The following TESMIN variants were observed in gnomAD, a reference collection of about 807,000 sequenced individuals.
TESMIN encodes CXC domain containing 2.
In TESMIN, 34 loss-of-function variants were observed where a neutral mutation model predicts 47.4. The ratio of observed to expected loss-of-function variants is 0.72; its 90% CI spans 0.55 to 0.96. The LOEUF is 0.96. TESMIN is among the 40% of genes least tolerant of loss of function. TESMIN has a pLI of 0.00. For synonymous variants in TESMIN, 278 were observed against 258.9 expected (o/e 1.07, Z -0.71); for missense variants, 610 against 637.2 (o/e 0.96, Z 0.46).
intron 8 of TESMIN, 59 bp from the exon 9 acceptor site, chr11:68,711,108 C>T (rs1946060876): frequency 1.4e-6 from 2 of 1,392,544 alleles, no homozygotes; most frequent in Non-Finnish European, 1.0e-6. Context: ...CAAAAACTGA[C>T]AAATTCTATT....
intron 4 of TESMIN, among the ~76,000 whole-genome samples, chr11:68,743,233 ACT>A (rs1491213614): frequency 4.4e-4 from 58 of 132,520 alleles, no homozygotes; most frequent in Non-Finnish European, 9.7e-5. Context: ...CACAGGAACT[ACT>A]TTTTTTTTTT....
intron 3 of TESMIN, 99 bp from the exon 4 acceptor site, chr11:68,745,210 G>A: frequency 1.9e-6 from 2 of 1,074,348 alleles, no homozygotes; most frequent in Non-Finnish European, 2.6e-6. Flanking sequence ...CTTTAATCCA[G>A]AAGTTACATT....
chr11:68,743,653 T>C (rs956933590), intron 4 of TESMIN, among the ~76,000 whole-genome samples: 3 of 152,164 alleles, frequency 2.0e-5, no homozygotes, highest in Non-Finnish European at 2.9e-5. Flanking sequence ...CTGGAACTGA[T>C]AGGTACTTAT....
intron 6 of TESMIN, among the ~76,000 whole-genome samples, chr11:68,723,873 T>C (rs1383757886): frequency 1.3e-5 from 2 of 151,834 alleles, no homozygotes; most frequent in African/African-American, 4.8e-5. Context: ...AGTGAATGAG[T>C]AACCTATCAC....
At chr11:68,747,144 A>T (rs1202522999) in intron 3 of TESMIN, 64 bp downstream of exon 3, 2 of 1,508,264 alleles carry the variant, frequency 1.3e-6, no homozygotes, top group African/African-American at 2.7e-5. Flanking sequence ...CAGTCGACTT[A>T]GTAATGATGG....
At chr11:68,730,764 C>T (rs972069373) in intron 6 of TESMIN, among the ~76,000 whole-genome samples, 1 of 150,132 alleles carries the variant, frequency 6.7e-6, no homozygotes, top group African/African-American at 2.5e-5. Flanking sequence ...CATTGCACTC[C>T]AGCCTGGGCC....
At chr11:68,713,152 A>C in intron 8 of TESMIN, 118 bp downstream of exon 8, 1 of 1,072,216 alleles carries the variant, frequency 9.3e-7, no homozygotes, top group South Asian at 2.1e-5. Flanking sequence ...GAAACTCTGG[A>C]AGAAAAAAAT....
rs1339130393 is a variant in TESMIN, at chr11:68,734,733, T to C, written c.917+3967A>G. Among the ~76,000 whole-genome samples, 3 of 152,246 alleles carry C rather than the reference T, an allele frequency of 2.0e-5. No homozygotes were observed. In the East Asian group the frequency reaches 5.8e-4, roughly 29 times the overall value. On this transcript the variant is annotated intron_variant, in intron 6 of 9. Coordinates refer to ENST00000255087, the MANE Select transcript of TESMIN (RefSeq NM_004923.3). Reference sequence around the variant, plus strand: ...ACAGCACCTGGCACACAGTCCGTGCTTGCTGTCAGCCTCGCGCCATCTCAT... The same window carrying C: ...ACAGCACCTGGCACACAGTCCGTGCCTGCTGTCAGCCTCGCGCCATCTCAT...
intron 6 of TESMIN, among the ~76,000 whole-genome samples, chr11:68,717,657 C>A (rs1002089295): frequency 6.6e-6 from 1 of 152,162 alleles, no homozygotes; most frequent in Non-Finnish European, 1.5e-5. Context: ...TGGGAAGGAG[C>A]TTCGGAAGGC....
intron 3 of TESMIN, 108 bp from the exon 4 acceptor site, chr11:68,745,219 T>C (rs978313959): frequency 9.3e-7 from 1 of 1,075,020 alleles, no homozygotes; most frequent in Non-Finnish European, 1.3e-6. Context: ...AGAAGTTACA[T>C]TTTAATGGAA....
At chr11:68,715,638 C>T (rs1379368443) in intron 7 of TESMIN, among the ~76,000 whole-genome samples, 199 bp downstream of exon 7, 1 of 152,164 alleles carries the variant, frequency 6.6e-6, no homozygotes, top group Non-Finnish European at 1.5e-5. Context: ...AGGGAAAAGG[C>T]CTTTCTCTGC....
intron 2 of TESMIN, among the ~76,000 whole-genome samples, chr11:68,749,140 A>G (rs1352458137): frequency 6.6e-6 from 1 of 152,250 alleles, no homozygotes. Context: ...TTAACATTTC[A>G]AGCCCTCTGA....
chr11:68,725,739 C>G (rs1310202229), intron 6 of TESMIN, among the ~76,000 whole-genome samples: 1 of 152,168 alleles, frequency 6.6e-6, no homozygotes, highest in East Asian at 1.9e-4. Flanking sequence ...TCCCAAAGTG[C>G]TGGGACTACA....
At chr11:68,745,276 A>G (rs1594303017) in intron 3 of TESMIN, among the ~76,000 whole-genome samples, 165 bp from the exon 4 acceptor site, 1 of 149,384 alleles carries the variant, frequency 6.7e-6, no homozygotes, top group South Asian at 2.1e-4. Context: ...CTACACTAAC[A>G]TGCTCTTTGG....
intron 2 of TESMIN, among the ~76,000 whole-genome samples, 178 bp from the exon 3 acceptor site, chr11:68,747,544 A>G (rs1946537626): frequency 6.6e-6 from 1 of 152,142 alleles, no homozygotes; most frequent in Non-Finnish European, 1.5e-5. Context: ...GAACTGCTTG[A>G]ACCTGGGAGG....
At chr11:68,713,136 C>T in intron 8 of TESMIN, 134 bp downstream of exon 8, 1 of 902,850 alleles carries the variant, frequency 1.1e-6, no homozygotes, top group East Asian at 2.9e-5. Context: ...TGTAAGTGTC[C>T]TTCTAGAAAC....
chr11:68,748,076 T>A (rs1259500703), intron 2 of TESMIN, among the ~76,000 whole-genome samples: 3 of 152,204 alleles, frequency 2.0e-5, no homozygotes, highest in Non-Finnish European at 4.4e-5. Context: ...CCGAGCTGCC[T>A]GGACCAGAGG....
Position 68,710,990 on chromosome 11 carries a change from G to C in TESMIN, c.1218C>G (p.Ser406Arg). 2.5e-6 allele frequency: 4 copies of C among 1,613,722 alleles called. No individual in the cohort carries two copies. Among genetic ancestry groups the C allele is most frequent in the Non-Finnish European group, 3.4e-6 (4 of 1,179,796 alleles). Residue 406 changes from serine (S) to arginine (R), a missense_variant, in exon 9 of 10, where the codon AGC becomes AGG. Transcript: ENST00000255087. ...TGCTCATTAGTGTCTTTCGTTCTGG[G>C]CTTTCTTCATAATTTTTGCAACCAA... ...KCIGCKNYEESPERKTLMSMP... is the reference protein window; with the variant it reads ...KCIGCKNYEERPERKTLMSMP...
At chr11:68,711,081 G>T in intron 8 of TESMIN, 32 bp from the exon 9 acceptor site, 2 of 1,546,484 alleles carry the variant, frequency 1.3e-6, no homozygotes, top group Admixed American at 1.9e-5. Context: ...ATAAAATTAG[G>T]TTGTCTCACA....
Sources: gnomAD v4.1 joint callset for allele counts (sites outside exome capture counted in the v4.1 genomes callset) on GRCh38, gnomAD v4.1.1 for gene constraint, MANE v1.5 for transcripts, NCBI Gene and HGNC (gene_info 2026-07-23, HGNC 2026-07-21) for gene names.